The following TEX14 variants were observed in gnomAD, a reference collection of about 807,000 sequenced individuals.
The protein encoded by TEX14 is inactive serine/threonine-protein kinase TEX14.
Under a neutral mutation model 178.6 loss-of-function variants are expected in TEX14, and 168 were observed. The observed-to-expected ratio is 0.94, with a 90% CI of 0.83 to 1.07. The LOEUF (loss-of-function observed/expected upper bound fraction) is 1.07. Among genes scored for constraint, TEX14 ranks in the 50% least tolerant of loss-of-function variants. TEX14 has a pLI of 0.00. For missense variants in TEX14, 1,730 were observed against 1,753.6 expected (o/e 0.99, Z 0.24); for synonymous variants, 626 against 634.1 (o/e 0.99, Z 0.19).
At chr17:58,651,824 A>T (rs760584530) in intron 2 of TEX14, 42 bp downstream of exon 2, 2 of 1,551,660 alleles carry the variant, frequency 1.3e-6, no homozygotes, top group Non-Finnish European at 1.7e-6. Context: ...CTATTCAGAA[A>T]TGTGTACCAA....
At chr17:58,652,698 C>T (rs990871897) in intron 1 of TEX14, among the ~76,000 whole-genome samples, 8 of 152,112 alleles carry the variant, frequency 5.3e-5, no homozygotes, top group Non-Finnish European at 1.0e-4. Context: ...TCTAAATACA[C>T]GTTTATTGTG....
Position 58,574,237 on chromosome 17 carries a change from T to C in TEX14, c.3333A>G (p.Glu1111=). The C allele has an allele frequency of 6.2e-7, 1 of 1,613,146 alleles. No homozygotes were observed. Among genetic ancestry groups the C allele is most frequent in the Non-Finnish European group, 8.5e-7 (1 of 1,179,202 alleles). ...QFQPVRSTED[E]QEETSKESPK... Reference sequence around the variant, plus strand: ...GTGACTCCTTTGATGTCTCTTCTTGTTCATCTTCAGTACTGTGAGAAAGAA... The same window carrying C: ...GTGACTCCTTTGATGTCTCTTCTTGCTCATCTTCAGTACTGTGAGAAAGAA... Residue 1111 remains glutamate, a synonymous_variant, in exon 22 of 32, where the codon GAA becomes GAG. Transcript: ENST00000349033.
chr17:58,659,227 CAAACACATAGTAA>C (rs1180241739), intron 1 of TEX14: 31 of 455,636 alleles, frequency 6.8e-5, no homozygotes, highest in Middle Eastern at 1.1e-3. Flanking sequence ...ATCGCGGGAG[CAAACACATAGTAA>C]AAACCCTCCC....
At chr17:58,600,148 GACC>G (rs2045394467) in intron 13 of TEX14, among the ~76,000 whole-genome samples, 1 of 152,094 alleles carries the variant, frequency 6.6e-6, no homozygotes, top group Non-Finnish European at 1.5e-5. Flanking sequence ...GAATCTTAAG[GACC>G]ACGTTCATAG....
chr17:58,638,280 G>T (rs185121155), intron 2 of TEX14, among the ~76,000 whole-genome samples: 1 of 151,930 alleles, frequency 6.6e-6, no homozygotes, highest in Admixed American at 6.6e-5. Context: ...AGGCCAACCC[G>T]GGACACTTGC....
intron 1 of TEX14, among the ~76,000 whole-genome samples, chr17:58,678,917 G>A (rs1051389351): frequency 4.6e-5 from 7 of 151,774 alleles, no homozygotes; most frequent in Non-Finnish European, 1.0e-4. Context: ...ACTTTGGGAG[G>A]CCGAGGCAGG....
At position 58,570,467 on chromosome 17, in the gene TEX14, A is replaced by T. The variant is rs1032762336; in HGVS notation, c.3735T>A (p.Phe1245Leu). 3.3e-6 allele frequency: 5 copies of T among 1,525,444 alleles called. No homozygotes were observed. In the African/African-American group the frequency reaches 5.8e-5, roughly 18 times the overall value. 94.5% of individuals were successfully genotyped at this position (1,525,444 alleles called of 1,614,324 possible). Residue 1245 changes from phenylalanine (F) to leucine (L), a missense_variant, in exon 25 of 32, where the codon TTT (phenylalanine) becomes TTA (leucine). Phe to Leu is a conservative substitution (Grantham distance 22). Coordinates refer to ENST00000349033, the MANE Select transcript of TEX14 (RefSeq NM_031272.5). ...RLTGLKRLSSFIGAGSPSLVK... is the reference protein window; with the variant it reads ...RLTGLKRLSSLIGAGSPSLVK... ...CAAGGCTGGGGGATCCAGCCCCAAT[A>T]AATGAAGACAATCTTTTCTATAAGG...
At chr17:58,597,412 T>C (rs1886782285) in intron 14 of TEX14, among the ~76,000 whole-genome samples, 2 of 151,526 alleles carry the variant, frequency 1.3e-5, no homozygotes, top group South Asian at 4.2e-4. Context: ...ATAAATAAAA[T>C]AAAATAAAAA....
Position 58,564,875 on chromosome 17 carries a change from G to C in TEX14, c.4058C>G (p.Thr1353Arg), listed in dbSNP as rs2044364159. The change falls in exon 28 of 32, where the codon ACA (threonine) becomes AGA (arginine). Residue 1353 changes from threonine to arginine, a missense_variant. Around this residue, in one of 2 missense-constraint regions of TEX14, gnomAD observed 941 missense variants for 1,072.4 expected, o/e 0.88. Coordinates refer to ENST00000349033, the MANE Select transcript of TEX14 (RefSeq NM_031272.5). ...SKETEDLGED[T>R]ERAHSTLDED... ...GTCCAGCTTTTCCTGTTACCTCTCTGTGTCCTCTCCAAGATCTTCAGTTTC... is the reference window on the plus strand; with the variant it reads ...GTCCAGCTTTTCCTGTTACCTCTCTCTGTCCTCTCCAAGATCTTCAGTTTC... The C allele has an allele frequency of 4.4e-6, 7 of 1,583,924 alleles. No homozygotes were observed. The highest frequency in any genetic ancestry group is 6.0e-6 in the Non-Finnish European group (7 of 1,159,798).
chr17:58,598,296 AG>A (rs1373444080), intron 14 of TEX14, among the ~76,000 whole-genome samples: 1 of 150,462 alleles, frequency 6.6e-6, no homozygotes, highest in African/African-American at 2.4e-5. Context: ...CCTGGGCAAC[AG>A]GAACAAAACT....
intron 1 of TEX14, among the ~76,000 whole-genome samples, chr17:58,664,155 C>G (rs1433273247): frequency 6.6e-6 from 1 of 152,200 alleles, no homozygotes; most frequent in African/African-American, 2.4e-5. Flanking sequence ...CAGCCCACCT[C>G]GGTTATACTA....
At chr17:58,587,420 C>T (rs546372788) in intron 17 of TEX14, among the ~76,000 whole-genome samples, 161 bp downstream of exon 17, 1 of 151,970 alleles carries the variant, frequency 6.6e-6, no homozygotes, top group African/African-American at 2.4e-5. Context: ...GTCAGAAGGG[C>T]CCTGCTTTTA....
rs138697591 is a variant in TEX14 at position 58,582,546 on chromosome 17, C to T, written c.3171+1954G>A. Reference sequence around the variant, plus strand: ...TGCTGGGATTACAGACATGAGCCACCACACCCGGCCTGCAAATTTCTTTTT... The same window carrying T: ...TGCTGGGATTACAGACATGAGCCACTACACCCGGCCTGCAAATTTCTTTTT... On this transcript the variant is annotated intron_variant, in intron 19 of 31. Coordinates refer to ENST00000349033, the MANE Select transcript of TEX14 (RefSeq NM_031272.5). Among the ~76,000 whole-genome samples, 36 of 151,792 alleles carry T rather than the reference C, an allele frequency of 2.4e-4. No individual in the cohort carries two copies. The East Asian group carries it at 6.2e-3, about 26-fold the overall frequency.
At chr17:58,650,642 T>G (rs2046820810) in intron 2 of TEX14, among the ~76,000 whole-genome samples, 1 of 152,184 alleles carries the variant, frequency 6.6e-6, no homozygotes, top group Admixed American at 6.5e-5. Context: ...TTTTATTTTT[T>G]GTAGAGACAG....
At chr17:58,608,706 A>T (rs1365393920) in intron 10 of TEX14, among the ~76,000 whole-genome samples, 1 of 152,250 alleles carries the variant, frequency 6.6e-6, no homozygotes, top group Non-Finnish European at 1.5e-5. Context: ...GACGCATGTG[A>T]GAAGAGGAAT....
At chr17:58,667,304 C>T (rs912904753) in intron 1 of TEX14, among the ~76,000 whole-genome samples, 1 of 152,192 alleles carries the variant, frequency 6.6e-6, no homozygotes, top group Non-Finnish European at 1.5e-5. Context: ...TTTCGATGAG[C>T]TTATGGCCTC....
intron 1 of TEX14, among the ~76,000 whole-genome samples, chr17:58,675,873 G>A (rs950952303): frequency 6.6e-6 from 1 of 152,154 alleles, no homozygotes; most frequent in African/African-American, 2.4e-5. Context: ...TTACAAGCAC[G>A]AGCCACTGAG....
intron 3 of TEX14, among the ~76,000 whole-genome samples, chr17:58,629,838 A>T (rs1457732578): frequency 1.3e-5 from 2 of 151,484 alleles, no homozygotes; most frequent in Non-Finnish European, 2.9e-5. Context: ...CCGTCTGAAA[A>T]AAAAAAAAAA....
intron 19 of TEX14, among the ~76,000 whole-genome samples, 168 bp downstream of exon 19, chr17:58,584,332 A>T (rs1464609638): frequency 6.6e-6 from 1 of 152,238 alleles, no homozygotes; most frequent in Non-Finnish European, 1.5e-5. Flanking sequence ...AAAAAGTATC[A>T]GACAGGAGGA....
Sources: allele counts gnomAD v4.1 joint callset (sites outside exome capture counted in the v4.1 genomes callset), GRCh38; gene constraint gnomAD v4.1.1; regional missense constraint gnomAD v4.1.1; transcripts MANE v1.5; gene names NCBI Gene and HGNC (gene_info 2026-07-23, HGNC 2026-07-21).